SYT9: variants seen among roughly 807,000 people sequenced by gnomAD.
SYT9 encodes the protein synaptotagmin 9.
In SYT9, 22 loss-of-function variants were observed where a neutral mutation model predicts 48.4. That is an observed-to-expected ratio of 0.45 (90% CI 0.32 to 0.65). SYT9 has a LOEUF of 0.65. Ranked by LOEUF, SYT9 falls within the 30% of genes least tolerant of loss-of-function variation. SYT9 has a pLI of 0.03. For synonymous variants in SYT9, 265 were observed against 245.0 expected (o/e 1.08, Z -0.76); for missense variants, 577 against 622.0 (o/e 0.93, Z 0.77).
chr11:7,389,689 A>C (rs774414518), intron 3 of SYT9, among the ~76,000 whole-genome samples: 5 of 152,226 alleles, frequency 3.3e-5, no homozygotes, highest in Non-Finnish European at 7.3e-5. Flanking sequence ...TAAAGCGAGA[A>C]GAAAGTATTC....
At chr11:7,445,657 A>C (rs1847913983) in intron 6 of SYT9, among the ~76,000 whole-genome samples, 1 of 152,086 alleles carries the variant, frequency 6.6e-6, no homozygotes, top group Non-Finnish European at 1.5e-5. Flanking sequence ...TTTCTGACCT[A>C]AGTCACTTTT....
intron 3 of SYT9, among the ~76,000 whole-genome samples, chr11:7,415,690 T>TG (rs1847230550): frequency 6.6e-6 from 1 of 151,976 alleles, no homozygotes; most frequent in Admixed American, 6.6e-5. Context: ...GGGGAGTCTG[T>TG]GGAGGATTTG....
intron 1 of SYT9, among the ~76,000 whole-genome samples, chr11:7,286,777 G>A (rs1347492300): frequency 6.6e-6 from 1 of 152,180 alleles, no homozygotes; most frequent in East Asian, 1.9e-4. Context: ...TCTTTGCATA[G>A]CAAGAGTGAT....
chr11:7,265,270 A>T (rs2119817603), intron 1 of SYT9, among the ~76,000 whole-genome samples: 1 of 152,292 alleles, frequency 6.6e-6, no homozygotes, highest in South Asian at 2.1e-4. Flanking sequence ...ATGACATCTC[A>T]TGCAGATGTC....
intron 1 of SYT9, among the ~76,000 whole-genome samples, chr11:7,255,625 A>T (rs1847954315): frequency 6.6e-6 from 1 of 152,184 alleles, no homozygotes; most frequent in African/African-American, 2.4e-5. Context: ...GCAAGTATTT[A>T]TTGAAGGAAG....
chr11:7,271,758 A>G (rs1848300810), intron 1 of SYT9, among the ~76,000 whole-genome samples: 1 of 151,982 alleles, frequency 6.6e-6, no homozygotes, highest in African/African-American at 2.4e-5. Context: ...TTGTATTTTT[A>G]GTAGAGGTGG....
intron 3 of SYT9, among the ~76,000 whole-genome samples, chr11:7,351,752 T>C (rs539563474): frequency 6.6e-6 from 1 of 152,302 alleles, no homozygotes; most frequent in African/African-American, 2.4e-5. Flanking sequence ...TTGAAAGATA[T>C]GCTGGTATTT....
chr11:7,457,937 T>A (rs775226770), intron 6 of SYT9: 5 of 152,234 alleles, frequency 3.3e-5, no homozygotes, highest in Admixed American at 6.5e-5. Context: ...CTGTATGGCA[T>A]CATTTGCTGT....
chr11:7,373,401 A>C (rs1248582244), intron 3 of SYT9, among the ~76,000 whole-genome samples: 1 of 151,748 alleles, frequency 6.6e-6, no homozygotes, highest in Non-Finnish European at 1.5e-5. Context: ...ATTTTTCCCT[A>C]CCTCACCTCT....
intron 1 of SYT9, among the ~76,000 whole-genome samples, chr11:7,281,214 G>C (rs895589731): frequency 1.3e-5 from 2 of 152,210 alleles, no homozygotes; most frequent in Non-Finnish European, 2.9e-5. Context: ...ACAGTATCAT[G>C]TCTGACAAAT....
intron 6 of SYT9, among the ~76,000 whole-genome samples, chr11:7,460,102 A>G (rs1034062531): frequency 6.6e-6 from 1 of 152,224 alleles, no homozygotes; most frequent in Non-Finnish European, 1.5e-5. Flanking sequence ...CCTGCCTCAG[A>G]GGATTGTGGT....
chr11:7,409,609 A>G (rs1320015782), intron 3 of SYT9, among the ~76,000 whole-genome samples: 1 of 152,002 alleles, frequency 6.6e-6, no homozygotes, highest in Non-Finnish European at 1.5e-5. Context: ...TAGCTTGTAT[A>G]TTTCCAGAAA....
At position 7,281,034 on chromosome 11, in the gene SYT9, CT is replaced by C. The variant is rs560739948; in HGVS notation, c.146-22003del. 1.1e-4 allele frequency among the ~76,000 whole-genome samples: 17 copies of C among 152,248 alleles called. No homozygotes were observed. In the East Asian group the frequency reaches 3.3e-3, roughly 29 times the overall value. On this transcript the variant is annotated intron_variant, in intron 1 of 6. Coordinates refer to ENST00000318881, the MANE Select transcript of SYT9 (RefSeq NM_175733.4). ...AAATTCCTGAAAATTTAAGTTGATT[CT>C]TATGAGCTTCTGTGAGCTGAGTCTA...
intron 3 of SYT9, among the ~76,000 whole-genome samples, chr11:7,334,650 C>CCCCCAATCCCCGCCACCCATCG (rs1849603013): frequency 6.6e-6 from 1 of 152,022 alleles, no homozygotes; most frequent in Non-Finnish European, 1.5e-5. Flanking sequence ...GCCACCCATC[C>CCCCCAATCCCCGCCACCCATCG]CCCCAATCCC....
chr11:7,417,800 C>T lies in SYT9; in HGVS notation c.1166-157C>T, dbSNP rs371029998. Reference sequence around the variant, plus strand: ...GACTTAATTATCCTAACTAGTTGCTCCCCAGATATCATATTAATGACAGTC... The same window carrying T: ...GACTTAATTATCCTAACTAGTTGCTTCCCAGATATCATATTAATGACAGTC... On this transcript the variant is annotated intron_variant, in intron 4 of 6. Coordinates refer to ENST00000318881, the MANE Select transcript of SYT9 (RefSeq NM_175733.4). Among the ~76,000 whole-genome samples, 4 of 152,154 alleles carry T rather than the reference C, an allele frequency of 2.6e-5. No homozygotes were observed. The East Asian group carries it at 5.8e-4, about 22-fold the overall frequency.
chr11:7,416,886 T>C (rs1300816696), intron 4 of SYT9, among the ~76,000 whole-genome samples: 1 of 152,106 alleles, frequency 6.6e-6, no homozygotes, highest in Non-Finnish European at 1.5e-5. Flanking sequence ...TCCTCAAATA[T>C]CATCATCCCA....
chr11:7,244,910 A>G (rs1847775779), intron 1 of SYT9, among the ~76,000 whole-genome samples: 1 of 152,198 alleles, frequency 6.6e-6, no homozygotes, highest in Non-Finnish European at 1.5e-5. Flanking sequence ...AGGCACAGAG[A>G]GAGCAGGAAG....
chr11:7,467,778 A>C lies in SYT9; in HGVS notation c.*978A>C, dbSNP rs1037505627. 1.3e-5 allele frequency: 2 copies of C among 152,748 alleles called. No homozygotes were observed. Among genetic ancestry groups the C allele is most frequent in the Non-Finnish European group, 2.9e-5 (2 of 68,448 alleles). 9.5% of individuals were successfully genotyped at this position (152,748 alleles called of 1,614,324 possible). Reference sequence around the variant, plus strand: ...CCTGAATGCCTTCTGGGGTATTTCCATATGCAACAGCCCAGAGTCATAGCC... The same window carrying C: ...CCTGAATGCCTTCTGGGGTATTTCCCTATGCAACAGCCCAGAGTCATAGCC... On this transcript the variant is annotated 3_prime_UTR_variant, in exon 7 of 7. Coordinates refer to ENST00000318881, the MANE Select transcript of SYT9 (RefSeq NM_175733.4).
At chr11:7,461,113 A>G (rs1333150461) in intron 6 of SYT9, 1 of 152,084 alleles carries the variant, frequency 6.6e-6, no homozygotes, top group Non-Finnish European at 1.5e-5. Flanking sequence ...ATTTTATTTT[A>G]TAACCCAGTG....
Sources: allele counts gnomAD v4.1 joint callset (sites outside exome capture counted in the v4.1 genomes callset), GRCh38; gene constraint gnomAD v4.1.1; transcripts MANE v1.5; gene names NCBI Gene and HGNC (gene_info 2026-07-23, HGNC 2026-07-21).